TAOK3: variants seen among roughly 807,000 people sequenced by gnomAD.
TAOK3 encodes TAO kinase 3, also known as serine/threonine-protein kinase TAO3.
In TAOK3, 40 loss-of-function variants were observed where a neutral mutation model predicts 120.4. The ratio of observed to expected loss-of-function variants is 0.33; its 90% CI spans 0.26 to 0.43. The LOEUF (loss-of-function observed/expected upper bound fraction) is 0.43, where lower values mean the gene tolerates loss of function less well. Among genes scored for constraint, TAOK3 ranks in the 20% least tolerant of loss-of-function variants. The probability of loss-of-function intolerance (pLI) is 1.00; values close to 1 mark genes in which losing one functional copy is unlikely to be tolerated. For synonymous variants in TAOK3, 355 were observed against 387.5 expected (o/e 0.92, Z 0.99); for missense variants, 821 against 1,112.1 (o/e 0.74, Z 3.72).
intron 1 of TAOK3, among the ~76,000 whole-genome samples, chr12:118,340,422 C>T (rs1036374234): frequency 4.6e-5 from 7 of 152,098 alleles, no homozygotes; most frequent in African/African-American, 1.4e-4. Context: ...TTTCTCACAG[C>T]AGAGAATAAG....
chr12:118,206,913 G>A (rs1465267126), intron 11 of TAOK3, among the ~76,000 whole-genome samples: 1 of 151,956 alleles, frequency 6.6e-6, no homozygotes, highest in Non-Finnish European at 1.5e-5. Flanking sequence ...GTTTTTAAAA[G>A]CCCACTGTTC....
intron 1 of TAOK3, among the ~76,000 whole-genome samples, chr12:118,322,216 G>GAGGC (rs1226110843): frequency 6.7e-6 from 1 of 150,266 alleles, no homozygotes; most frequent in African/African-American, 2.5e-5. Flanking sequence ...TCTGGAGGCT[G>GAGGC]AGGCAGGACA....
rs1171755214 is a variant in TAOK3, at chr12:118,160,391, G to C, written c.2140-33C>G. 1 of 1,559,950 alleles carries C rather than the reference G, an allele frequency of 6.4e-7. No homozygotes were observed. Among genetic ancestry groups the C allele is most frequent in the East Asian group, 2.2e-5 (1 of 44,598 alleles). ...GAAAAAGTGACAAAGGAAAAATAAA[G>C]GCACATCAGTAAATACAGAAAGCCT... is the stretch of plus-strand genomic sequence containing the variant. On this transcript the variant is annotated intron_variant, in intron 18 of 20. Coordinates refer to ENST00000392533, the MANE Select transcript of TAOK3 (RefSeq NM_016281.4). This position sits in a 1 kb window ranked among gnomAD's most constrained non-coding sequence, Gnocchi z 4.2.
intron 1 of TAOK3, among the ~76,000 whole-genome samples, chr12:118,348,911 C>T (rs570634919): frequency 9.3e-5 from 14 of 150,014 alleles, no homozygotes; most frequent in South Asian, 2.1e-4. Flanking sequence ...TCTTGTTGCC[C>T]GGGTCTCACT....
chr12:118,216,264 A>AGTATAGGCATGATGCACT (rs2038896551), intron 9 of TAOK3, among the ~76,000 whole-genome samples: 1 of 152,074 alleles, frequency 6.6e-6, no homozygotes, highest in African/African-American at 2.4e-5. Context: ...AAGTGCTGGG[A>AGTATAGGCATGATGCACT]GTATAGGCAT....
chr12:118,269,516 G>A (rs762959197), intron 1 of TAOK3, among the ~76,000 whole-genome samples: 1 of 150,946 alleles, frequency 6.6e-6, no homozygotes, highest in Non-Finnish European at 1.5e-5. Flanking sequence ...GATTACAGGC[G>A]TGCACCACCA....
chr12:118,265,839 G>C (rs769356046), intron 2 of TAOK3, among the ~76,000 whole-genome samples: 12 of 152,186 alleles, frequency 7.9e-5, no homozygotes, highest in Non-Finnish European at 1.8e-4. Flanking sequence ...TGATCTGTAA[G>C]TTTGGGTTTC....
intron 1 of TAOK3, among the ~76,000 whole-genome samples, chr12:118,370,220 G>A (rs2045859376): frequency 6.6e-6 from 1 of 152,160 alleles, no homozygotes; most frequent in African/African-American, 2.4e-5. Context: ...ACTCTCTGAA[G>A]CCATAGAAGA....
At chr12:118,286,556 TA>T (rs61103033) in intron 1 of TAOK3, among the ~76,000 whole-genome samples, 82 of 137,776 alleles carry the variant, frequency 6.0e-4, no homozygotes, top group South Asian at 1.9e-3. Context: ...ATGGCCATAA[TA>T]AAAAAAAAAA....
intron 1 of TAOK3, among the ~76,000 whole-genome samples, chr12:118,360,396 T>C (rs1174531968): frequency 6.6e-6 from 1 of 150,706 alleles, no homozygotes; most frequent in Non-Finnish European, 1.5e-5. Flanking sequence ...TGAAACCTCA[T>C]CTCTACTAAA....
At position 118,303,164 on chromosome 12, in the gene TAOK3, A is replaced by G. The variant is rs190131070; in HGVS notation, c.-193-36405T>C. On this transcript the variant is annotated intron_variant, in intron 1 of 20. Coordinates refer to ENST00000392533, the MANE Select transcript of TAOK3 (RefSeq NM_016281.4). ...ACTTCAGCTTCCATAGATTAATATG[A>G]TTTTAATAAAAGATGTATTATAAGC... Among the ~76,000 whole-genome samples, 3 of 152,292 alleles carry G rather than the reference A, an allele frequency of 2.0e-5. No individual in the cohort carries two copies. The East Asian group carries it at 5.8e-4, about 29-fold the overall frequency.
intron 1 of TAOK3, among the ~76,000 whole-genome samples, chr12:118,275,471 T>C (rs745317725): frequency 5.3e-5 from 8 of 152,232 alleles, no homozygotes; most frequent in African/African-American, 1.9e-4. Context: ...TATTCTGTTA[T>C]ATAAAGAATG....
intron 1 of TAOK3, among the ~76,000 whole-genome samples, chr12:118,318,243 C>T (rs180935591): frequency 2.1e-4 from 32 of 151,746 alleles, no homozygotes; most frequent in African/African-American, 7.5e-4. Flanking sequence ...CTGCAACCTC[C>T]GCCTCCTGGG....
At chr12:118,289,868 G>A (rs913752535) in intron 1 of TAOK3, among the ~76,000 whole-genome samples, 1 of 151,856 alleles carries the variant, frequency 6.6e-6, no homozygotes. Context: ...GGTGGTGGGC[G>A]CCTGTAATCC....
chr12:118,229,155 C>T (rs1278516642), intron 9 of TAOK3, among the ~76,000 whole-genome samples: 2 of 151,416 alleles, frequency 1.3e-5, no homozygotes, highest in African/African-American at 4.9e-5. Context: ...GGCTGGAGTG[C>T]AGTGGCGCAA....
intron 19 of TAOK3, among the ~76,000 whole-genome samples, chr12:118,153,584 C>A (rs973704316): frequency 6.6e-6 from 1 of 152,156 alleles, no homozygotes; most frequent in African/African-American, 2.4e-5. Context: ...TTCGGACCAT[C>A]AGCAGGACAG....
intron 1 of TAOK3, among the ~76,000 whole-genome samples, chr12:118,318,132 C>T (rs1021014457): frequency 6.6e-6 from 1 of 151,462 alleles, no homozygotes; most frequent in African/African-American, 2.4e-5. Context: ...AGATCCGAGA[C>T]CTAAATAAGA....
chr12:118,181,745 C>A (rs1033678449), intron 14 of TAOK3, 138 bp from the exon 15 acceptor site: 2 of 705,182 alleles, frequency 2.8e-6, no homozygotes, highest in African/African-American at 3.5e-5. Flanking sequence ...TGAATGCTCA[C>A]CCGTAGGGGG....
At chr12:118,364,662 C>G (rs1156461476) in intron 1 of TAOK3, among the ~76,000 whole-genome samples, 1 of 152,140 alleles carries the variant, frequency 6.6e-6, no homozygotes, top group Non-Finnish European at 1.5e-5. Flanking sequence ...AATCCCAGCA[C>G]TTCGAGAGGC....
Sources: allele counts gnomAD v4.1 joint callset (sites outside exome capture counted in the v4.1 genomes callset), GRCh38; gene constraint gnomAD v4.1.1; non-coding constraint Gnocchi (gnomAD v3.1); transcripts MANE v1.5; gene names NCBI Gene and HGNC (gene_info 2026-07-23, HGNC 2026-07-21).